CDYL2: variants seen among roughly 807,000 people sequenced by gnomAD.
CDYL2 encodes chromodomain Y-like protein 2.
CDYL2 carries 23 observed loss-of-function variants against 49.4 expected under a neutral mutation model. That is an observed-to-expected ratio of 0.47 (90% CI 0.34 to 0.66). CDYL2 has a LOEUF of 0.66. Among genes scored for constraint, CDYL2 ranks in the 30% least tolerant of loss-of-function variants. The pLI is 0.01. For missense variants in CDYL2, 678 were observed against 656.4 expected (o/e 1.03, Z -0.36); for synonymous variants, 360 against 268.8 (o/e 1.34, Z -3.32).
chr16:80,740,234 C>T (rs1437868883), intron 1 of CDYL2, among the ~76,000 whole-genome samples: 1 of 152,196 alleles, frequency 6.6e-6, no homozygotes, highest in Non-Finnish European at 1.5e-5. Flanking sequence ...ATGAAACTTG[C>T]CACTTGTTTT....
chr16:80,648,962 C>T (rs1428187599), intron 2 of CDYL2, among the ~76,000 whole-genome samples: 1 of 151,872 alleles, frequency 6.6e-6, no homozygotes, highest in Non-Finnish European at 1.5e-5. Flanking sequence ...ATGATAAAAC[C>T]CTAAAAAACT....
chr16:80,674,684 G>C (rs1909669624), intron 2 of CDYL2, among the ~76,000 whole-genome samples: 2 of 152,188 alleles, frequency 1.3e-5, no homozygotes, highest in African/African-American at 4.8e-5. Flanking sequence ...ACCTATTCTG[G>C]ACATTTGACA....
chr16:80,649,860 T>C (rs1908511461), intron 2 of CDYL2, among the ~76,000 whole-genome samples: 1 of 152,080 alleles, frequency 6.6e-6, no homozygotes, highest in Non-Finnish European at 1.5e-5. Flanking sequence ...GAACATACAC[T>C]GGGGAAAGAT....
intron 6 of CDYL2, 98 bp from the exon 7 acceptor site, chr16:80,604,644 C>T (rs1906252202): frequency 7.6e-7 from 1 of 1,313,312 alleles, no homozygotes; most frequent in Non-Finnish European, 1.1e-6. Context: ...CTCCCATACT[C>T]ACAGCCAGAG....
At chr16:80,614,212 T>A (rs534358003) in intron 4 of CDYL2, among the ~76,000 whole-genome samples, 1 of 152,322 alleles carries the variant, frequency 6.6e-6, no homozygotes, top group East Asian at 1.9e-4. Context: ...TCACCAAACC[T>A]GTTTTCCCTC....
intron 4 of CDYL2, among the ~76,000 whole-genome samples, chr16:80,619,356 G>T (rs1431653438): frequency 6.6e-6 from 1 of 152,180 alleles, no homozygotes; most frequent in African/African-American, 2.4e-5. Flanking sequence ...ACTACAAGGG[G>T]TCTGCATGCT....
At chr16:80,759,050 T>A (rs1281323492) in intron 1 of CDYL2, among the ~76,000 whole-genome samples, 1 of 145,170 alleles carries the variant, frequency 6.9e-6, no homozygotes, top group African/African-American at 2.5e-5. Flanking sequence ...CTAAGACATA[T>A]GACCCCATAT....
chr16:80,761,063 C>T (rs976548425), intron 1 of CDYL2, among the ~76,000 whole-genome samples: 1 of 152,182 alleles, frequency 6.6e-6, no homozygotes, highest in Non-Finnish European at 1.5e-5. Context: ...AAAAGCCATA[C>T]ACTCAGTCCC....
At chr16:80,772,120 G>A (rs536852771) in intron 1 of CDYL2, among the ~76,000 whole-genome samples, 20 of 152,240 alleles carry the variant, frequency 1.3e-4, no homozygotes, top group Non-Finnish European at 1.8e-4. Flanking sequence ...ACTGCAGTCC[G>A]ATAATTCTTT....
At chr16:80,632,855 T>A (rs907963908) in intron 3 of CDYL2, 164 bp downstream of exon 3, 1 of 624,064 alleles carries the variant, frequency 1.6e-6, no homozygotes, top group Non-Finnish European at 2.9e-6. Context: ...AATGGGATAA[T>A]GTATGTAAAA....
intron 2 of CDYL2, among the ~76,000 whole-genome samples, chr16:80,648,878 G>A (rs376854544): frequency 6.6e-6 from 1 of 152,064 alleles, no homozygotes. Context: ...CATATCAACA[G>A]AATGATGGAC....
intron 2 of CDYL2, among the ~76,000 whole-genome samples, chr16:80,655,064 C>T (rs578111236): frequency 3.9e-5 from 6 of 152,294 alleles, no homozygotes; most frequent in South Asian, 2.1e-4. Context: ...TTTTGGTGGG[C>T]GCAGGGTGTC....
intron 1 of CDYL2, among the ~76,000 whole-genome samples, chr16:80,776,734 A>G (rs1907096287): frequency 6.6e-6 from 1 of 151,944 alleles, no homozygotes; most frequent in African/African-American, 2.4e-5. Context: ...AAGAATTCAT[A>G]TAATGGGATT....
chr16:80,718,348 T>G (rs1597096624), intron 1 of CDYL2, among the ~76,000 whole-genome samples: 1 of 152,216 alleles, frequency 6.6e-6, no homozygotes, highest in East Asian at 1.9e-4. Flanking sequence ...TAGTTAAAAC[T>G]GAACTATTAC....
intron 1 of CDYL2, among the ~76,000 whole-genome samples, chr16:80,759,892 G>T (rs1906468259): frequency 7.3e-6 from 1 of 136,484 alleles, no homozygotes; most frequent in Middle Eastern, 3.5e-3. Flanking sequence ...TTTTTTTGAG[G>T]TCCTGTCCTA....
intron 6 of CDYL2, among the ~76,000 whole-genome samples, chr16:80,607,139 G>A (rs1444232384): frequency 1.3e-5 from 2 of 152,066 alleles, no homozygotes; most frequent in African/African-American, 2.4e-5. Context: ...AATGCTCGTG[G>A]CCCGCGTGAG....
chr16:80,764,509 G>A (rs956194448), intron 1 of CDYL2, among the ~76,000 whole-genome samples: 1 of 152,128 alleles, frequency 6.6e-6, no homozygotes, highest in Non-Finnish European at 1.5e-5. Flanking sequence ...GCAATGAAAA[G>A]AGACAATCAT....
chr16:80,654,876 C>G (rs1016721315), intron 2 of CDYL2, among the ~76,000 whole-genome samples: 2 of 152,198 alleles, frequency 1.3e-5, no homozygotes, highest in African/African-American at 4.8e-5. Flanking sequence ...GGAGAGTAAA[C>G]ACGAGTGTCT....
At chr16:80,633,651 C>G (rs909674077) in intron 2 of CDYL2, among the ~76,000 whole-genome samples, 1 of 152,164 alleles carries the variant, frequency 6.6e-6, no homozygotes, top group Non-Finnish European at 1.5e-5. Flanking sequence ...GTGCTAAGCA[C>G]CACCCTCAAA....
Sources: gnomAD v4.1 joint callset for allele counts (sites outside exome capture counted in the v4.1 genomes callset) on GRCh38, gnomAD v4.1.1 for gene constraint, MANE v1.5 for transcripts, NCBI Gene and HGNC (gene_info 2026-07-23, HGNC 2026-07-21) for gene names.